TLE4: variants seen among roughly 807,000 people sequenced by gnomAD.
TLE4 encodes transducin-like enhancer protein 4.
A neutral mutation model predicts 92.8 loss-of-function variants in TLE4; 8 were observed. The observed-to-expected ratio is 0.09, with a 90% CI of 0.05 to 0.16. The LOEUF (loss-of-function observed/expected upper bound fraction) is 0.16. Among genes scored for constraint, TLE4 ranks in the 10% least tolerant of loss-of-function variants. The probability of loss-of-function intolerance (pLI) is 1.00; values close to 1 mark genes in which losing one functional copy is unlikely to be tolerated. For synonymous variants in TLE4, 371 were observed against 374.1 expected (o/e 0.99, Z 0.10); for missense variants, 675 against 997.6 (o/e 0.68, Z 4.36).
At chr9:79,611,592 T>C (rs1564371348) in intron 4 of TLE4, among the ~76,000 whole-genome samples, 1 of 152,046 alleles carries the variant, frequency 6.6e-6, no homozygotes. Context: ...GGATGGAATT[T>C]AAGAATGTCT....
chr9:79,704,814 G>A lies in TLE4; in HGVS notation c.641G>A (p.Arg214Gln), dbSNP rs754159283. Residue 214 changes from arginine to glutamine, a missense_variant, in exon 9 of 20, where the codon CGA (arginine) becomes CAA (glutamine). Transcript: ENST00000376552. ...TCAGTATCCCCATCAGCCAGTTTCCGAGGTGCTGAGAAGCACAGAAACTCC... is the reference window on the plus strand; with the variant it reads ...TCAGTATCCCCATCAGCCAGTTTCCAAGGTGCTGAGAAGCACAGAAACTCC... ...SSSVSPSASF[R>Q]GAEKHRNSAD... The A allele has an allele frequency of 1.9e-6, 3 of 1,613,928 alleles. No homozygotes were observed. Among genetic ancestry groups the A allele is most frequent in the South Asian group, 1.1e-5 (1 of 91,066 alleles).
intron 19 of TLE4, among the ~76,000 whole-genome samples, chr9:79,724,575 T>C (rs957572903): frequency 7.2e-5 from 11 of 152,010 alleles, no homozygotes; most frequent in African/African-American, 2.4e-4. Flanking sequence ...ACGTGGTGGC[T>C]CATGCCTGTA....
At chr9:79,690,348 T>C (rs183927344) in intron 8 of TLE4, among the ~76,000 whole-genome samples, 32 of 152,330 alleles carry the variant, frequency 2.1e-4, no homozygotes, top group Non-Finnish European at 2.9e-5. Flanking sequence ...TACAATTCAG[T>C]TTTCTCTTGG....
At chr9:79,598,550 A>G (rs2044693930) in intron 4 of TLE4, among the ~76,000 whole-genome samples, 1 of 152,186 alleles carries the variant, frequency 6.6e-6, no homozygotes, top group Non-Finnish European at 1.5e-5. Context: ...GCATTTAAAA[A>G]TACCCTGCAT....
chr9:79,706,836 T>G lies in TLE4; in HGVS notation c.873T>G (p.Ile291Met). 6.2e-7 allele frequency: 1 copy of G among 1,614,210 alleles called. No homozygotes were observed. The highest frequency in any genetic ancestry group is 8.5e-7 in the Non-Finnish European group (1 of 1,180,036). ...KTRLLKKDAPISPASIASSSS... is the reference protein window; with the variant it reads ...KTRLLKKDAPMSPASIASSSS... ...GCCTGCTCAAGAAAGATGCCCCGAT[T>G]AGTCCAGCCTCTATTGCATCTTCCA... Residue 291 changes from isoleucine (I) to methionine (M), a missense_variant, in exon 11 of 20, where the codon ATT becomes ATG. By Grantham distance (10) the Ile-to-Met change is conservative. Coordinates refer to ENST00000376552, the MANE Select transcript of TLE4 (RefSeq NM_007005.6).
rs1249580007 is a variant in TLE4, at chr9:79,592,128, CTTCTTCT to C, written c.252+15974_252+15980del. On this transcript the variant is annotated intron_variant, in intron 4 of 19. Coordinates refer to ENST00000376552, the MANE Select transcript of TLE4 (RefSeq NM_007005.6). ...TCTTCTTCTTTCTTCTTTCTTCTTT[CTTCTTCT>C]TTCTTCTTTCTTCTTTCTTCTTCTT... 1.9e-3 allele frequency among the ~76,000 whole-genome samples: 282 copies of C among 144,732 alleles called. 3 individuals carry two copies. The highest frequency in any genetic ancestry group is 4.3e-3 in the East Asian group (22 of 5,114). 94.9% of individuals were successfully genotyped at this position (144,732 alleles called of 152,430 possible).
chr9:79,704,582 C>G, intron 8 of TLE4: 2 of 606,400 alleles, frequency 3.3e-6, no homozygotes, highest in Non-Finnish European at 5.6e-6. Flanking sequence ...TATCTTTCCC[C>G]CTTGTCTTTT....
chr9:79,616,354 C>T (rs575396400), intron 5 of TLE4, among the ~76,000 whole-genome samples: 146 of 152,256 alleles, frequency 9.6e-4, no homozygotes, highest in South Asian at 2.5e-3. Context: ...TGAAACACAT[C>T]CAATGTCTGT....
intron 14 of TLE4, among the ~76,000 whole-genome samples, chr9:79,711,527 ACTT>A: frequency 6.6e-6 from 1 of 152,094 alleles, no homozygotes; most frequent in South Asian, 2.1e-4. Context: ...TTTTTTGGTT[ACTT>A]CTTAGGTAAC....
chr9:79,586,165 G>A (rs982813914), intron 4 of TLE4, among the ~76,000 whole-genome samples: 2 of 152,126 alleles, frequency 1.3e-5, no homozygotes, highest in Admixed American at 6.6e-5. Flanking sequence ...GAGGTCAGGA[G>A]ATCGAGACTG....
Position 79,718,877 on chromosome 9 carries a change from C to G in TLE4, c.1496C>G (p.Thr499Arg). The G allele has an allele frequency of 6.2e-7, 1 of 1,614,102 alleles. No individual in the cohort carries two copies. The highest frequency in any genetic ancestry group is 1.1e-5 in the South Asian group (1 of 91,070). Residue 499 changes from threonine to arginine, a missense_variant, in exon 15 of 20, where the codon ACG (threonine) becomes AGG (arginine). Physicochemically the swap from Thr to Arg is moderately conservative, Grantham distance 71. This residue lies in a region of TLE4 where 170 missense variants were observed against 359.6 expected (regional missense o/e 0.47). Coordinates refer to ENST00000376552, the MANE Select transcript of TLE4 (RefSeq NM_007005.6). ...VVCAVTISNPTRHVYTGGKGC... is the reference protein window; with the variant it reads ...VVCAVTISNPRRHVYTGGKGC... ...TGCGCGGTGACCATCAGCAACCCCA[C>G]GAGACACGTGTACACGGGTGGGAAG...
chr9:79,724,900 A>G (rs1020928799), intron 19 of TLE4, 137 bp from the exon 20 acceptor site: 43 of 443,712 alleles, frequency 9.7e-5, no homozygotes, highest in African/African-American at 8.7e-4. Flanking sequence ...ACTGTCCATG[A>G]CCACCTTTCA....
chr9:79,710,547 A>G (rs2073005975), intron 14 of TLE4, among the ~76,000 whole-genome samples: 1 of 152,128 alleles, frequency 6.6e-6, no homozygotes, highest in Non-Finnish European at 1.5e-5. Context: ...AGGGCTATCC[A>G]GACCTGACCC....
At chr9:79,583,508 T>C (rs1483400366) in intron 4 of TLE4, among the ~76,000 whole-genome samples, 1 of 152,182 alleles carries the variant, frequency 6.6e-6, no homozygotes, top group Non-Finnish European at 1.5e-5. Context: ...CTGGGCTGGC[T>C]GTGGTGTGCT....
At chr9:79,618,881 C>T (rs1333816228) in intron 5 of TLE4, among the ~76,000 whole-genome samples, 1 of 152,044 alleles carries the variant, frequency 6.6e-6, no homozygotes, top group East Asian at 1.9e-4. Context: ...CAATATTTAA[C>T]AATAGTTCTC....
At position 79,725,786 on chromosome 9, in the gene TLE4, A is replaced by G. The variant is rs534225115; in HGVS notation, c.*642A>G. On this transcript the variant is annotated 3_prime_UTR_variant, in exon 20 of 20. Transcript: ENST00000376552. ...GGATCTATTTAGACAACGTTAACCA[A>G]TATATCTATAGCTTTAGATTATATT... The G allele has an allele frequency of 6.5e-6, 1 of 152,776 alleles. No individual in the cohort carries two copies. Among genetic ancestry groups the G allele is most frequent in the South Asian group, 2.1e-4 (1 of 4,834 alleles). 9.5% of individuals were successfully genotyped at this position (152,776 alleles called of 1,614,324 possible).
chr9:79,697,737 T>C (rs766679555), intron 8 of TLE4, among the ~76,000 whole-genome samples: 5 of 152,120 alleles, frequency 3.3e-5, no homozygotes, highest in African/African-American at 4.8e-5. Context: ...CGTTTTATAC[T>C]GACCAAGCAA....
At chr9:79,686,762 G>T (rs917166083) in intron 8 of TLE4, among the ~76,000 whole-genome samples, 1 of 152,192 alleles carries the variant, frequency 6.6e-6, no homozygotes, top group African/African-American at 2.4e-5. Context: ...CTCCAGAACC[G>T]CAAGAAATAA....
At chr9:79,621,358 T>C (rs1354044350) in intron 5 of TLE4, among the ~76,000 whole-genome samples, 2 of 152,178 alleles carry the variant, frequency 1.3e-5, no homozygotes, top group Non-Finnish European at 2.9e-5. Flanking sequence ...TTGAGTGACC[T>C]TAGGATGGTT....
Sources: gnomAD v4.1 joint callset for allele counts (sites outside exome capture counted in the v4.1 genomes callset) on GRCh38, gnomAD v4.1.1 for gene constraint, gnomAD v4.1.1 regional missense constraint, MANE v1.5 for transcripts, NCBI Gene and HGNC (gene_info 2026-07-23, HGNC 2026-07-21) for gene names.